Variants in GPM6A observed in about 807,000 individuals in gnomAD.
GPM6A encodes the protein neuronal membrane glycoprotein M6-a.
In GPM6A, 7 loss-of-function variants were observed where a neutral mutation model predicts 32.1. The ratio of observed to expected loss-of-function variants is 0.22; its 90% CI spans 0.12 to 0.41. The LOEUF is 0.41. GPM6A is among the 10% of genes least tolerant of loss of function. The probability of loss-of-function intolerance (pLI) is 1.00; values close to 1 mark genes in which losing one functional copy is unlikely to be tolerated. For synonymous variants in GPM6A, 130 were observed against 123.4 expected (o/e 1.05, Z -0.35); for missense variants, 235 against 347.2 (o/e 0.68, Z 2.57).
chr4:175,950,693 A>AG (rs1465813841), intron 1 of GPM6A, among the ~76,000 whole-genome samples: 1 of 152,186 alleles, frequency 6.6e-6, no homozygotes, highest in Non-Finnish European at 1.5e-5. Flanking sequence ...AGGGGAAATG[A>AG]GGGGACAAAG....
intron 2 of GPM6A, among the ~76,000 whole-genome samples, chr4:175,693,289 C>CAT (rs558081209): frequency 2.4e-4 from 36 of 147,716 alleles, no homozygotes; most frequent in African/African-American, 6.9e-4. Context: ...TACATATATA[C>CAT]ATATATATAT....
intron 1 of GPM6A, among the ~76,000 whole-genome samples, chr4:175,775,572 TA>T (rs201161391): frequency 7.5e-4 from 114 of 151,146 alleles, no homozygotes; most frequent in African/African-American, 2.5e-3. Context: ...CAAAATCAAG[TA>T]AAAAAAAATG....
intron 1 of GPM6A, among the ~76,000 whole-genome samples, chr4:175,771,790 G>A (rs889784676): frequency 2.0e-5 from 3 of 152,132 alleles, no homozygotes; most frequent in African/African-American, 7.2e-5. Context: ...TGTGCAATGG[G>A]TGGTGAACAA....
chr4:175,859,965 AT>A, intron 1 of GPM6A, among the ~76,000 whole-genome samples: 1 of 152,324 alleles, frequency 6.6e-6, no homozygotes, highest in East Asian at 1.9e-4. Flanking sequence ...CAAAAATGAC[AT>A]TTTGAGACCA....
intron 1 of GPM6A, among the ~76,000 whole-genome samples, chr4:175,911,454 C>A (rs1393496246): frequency 6.6e-6 from 1 of 152,132 alleles, no homozygotes; most frequent in Non-Finnish European, 1.5e-5. Flanking sequence ...TGCTTTTCAG[C>A]TCAAACTTCC....
At chr4:175,668,998 C>T (rs73018189) in intron 3 of GPM6A, among the ~76,000 whole-genome samples, 110 of 152,248 alleles carry the variant, frequency 7.2e-4, no homozygotes, top group African/African-American at 2.4e-3. Context: ...CCATGTACCC[C>T]AGGCAAGTCA....
At chr4:175,710,833 C>A (rs1487188473) in intron 1 of GPM6A, among the ~76,000 whole-genome samples, 1 of 152,132 alleles carries the variant, frequency 6.6e-6, no homozygotes, top group East Asian at 1.9e-4. Flanking sequence ...CTGTCTCAGC[C>A]TTTCACAGAG....
Position 175,937,649 on chromosome 4 carries a change from G to A in GPM6A, c.-23+64660C>T, listed in dbSNP as rs1239959172. Among the ~76,000 whole-genome samples the A allele has an allele frequency of 2.6e-5, 4 of 152,102 alleles. No homozygotes were observed. In the East Asian group the frequency reaches 7.7e-4, roughly 29 times the overall value. On this transcript the variant is annotated intron_variant, in intron 1 of 7. Transcript: ENST00000280187. ...ACAGTGATCACCTATGGGTTGGAGA[G>A]TACAATGGGAGAGGTGAAATGTTGT...
At chr4:175,989,119 TATCA>T (rs1741063688) in intron 1 of GPM6A, among the ~76,000 whole-genome samples, 1 of 152,136 alleles carries the variant, frequency 6.6e-6, no homozygotes. Context: ...TAGCACCACA[TATCA>T]ATTAAAGAAG....
At chr4:175,931,709 C>CACACACATATATAT (rs1324269132) in intron 1 of GPM6A, among the ~76,000 whole-genome samples, 62 of 129,320 alleles carry the variant, frequency 4.8e-4, no homozygotes, top group African/African-American at 1.5e-3. Context: ...CACACACACA[C>CACACACATATATAT]ATATATATAT....
chr4:175,855,852 T>C (rs954116659), intron 1 of GPM6A, among the ~76,000 whole-genome samples: 1 of 152,250 alleles, frequency 6.6e-6, no homozygotes, highest in Non-Finnish European at 1.5e-5. Flanking sequence ...TACACATATA[T>C]ATTTCTTTTC....
intron 1 of GPM6A, among the ~76,000 whole-genome samples, chr4:175,898,542 C>T (rs1312963580): frequency 6.6e-6 from 1 of 152,100 alleles, no homozygotes; most frequent in Non-Finnish European, 1.5e-5. Flanking sequence ...AACACAGGCC[C>T]TCGGGGAATA....
chr4:175,804,404 T>G (rs2111312081), intron 1 of GPM6A, among the ~76,000 whole-genome samples: 1 of 152,334 alleles, frequency 6.6e-6, no homozygotes, highest in East Asian at 1.9e-4. Context: ...TACCTCATTT[T>G]GTTACATGAC....
At chr4:175,671,030 A>T (rs4690595) in intron 3 of GPM6A, among the ~76,000 whole-genome samples, 19,012 of 151,524 alleles carry the variant, frequency 0.13, 1,309 homozygotes, top group East Asian at 0.25. Context: ...TGCCCGGCTA[A>T]TTTTTTTATT....
intron 1 of GPM6A, among the ~76,000 whole-genome samples, chr4:175,984,039 A>G (rs1036479293): frequency 2.6e-5 from 4 of 151,158 alleles, no homozygotes; most frequent in African/African-American, 9.8e-5. Flanking sequence ...ACACACACAC[A>G]CTCACACACA....
chr4:175,986,026 G>A (rs1487804335), intron 1 of GPM6A, among the ~76,000 whole-genome samples: 4 of 151,898 alleles, frequency 2.6e-5, no homozygotes, highest in Middle Eastern at 6.8e-3. Flanking sequence ...GGCTGGTCTC[G>A]AACTCTTGAC....
chr4:175,704,491 T>A (rs1745065117), intron 1 of GPM6A, among the ~76,000 whole-genome samples: 2 of 152,194 alleles, frequency 1.3e-5, no homozygotes, highest in Admixed American at 6.5e-5. Context: ...CTGAACACAG[T>A]TTTGGGTGGA....
At chr4:175,713,889 T>C (rs1322404181) in intron 1 of GPM6A, among the ~76,000 whole-genome samples, 2 of 152,316 alleles carry the variant, frequency 1.3e-5, no homozygotes, top group Non-Finnish European at 2.9e-5. Flanking sequence ...ATCTTCTAAG[T>C]TGCTTATCTT....
chr4:175,758,165 C>T (rs933681953), intron 1 of GPM6A, among the ~76,000 whole-genome samples: 2 of 152,146 alleles, frequency 1.3e-5, no homozygotes, highest in African/African-American at 4.8e-5. Flanking sequence ...TAACCAGAGT[C>T]ATCTGTAAGA....
Sources: gnomAD v4.1 joint callset for allele counts (sites outside exome capture counted in the v4.1 genomes callset) on GRCh38, gnomAD v4.1.1 for gene constraint, MANE v1.5 for transcripts, NCBI Gene and HGNC (gene_info 2026-07-23, HGNC 2026-07-21) for gene names.